SYN3: variants seen among roughly 807,000 people sequenced by gnomAD.
The protein encoded by SYN3 is synapsin-3.
In SYN3, 35 loss-of-function variants were observed where a neutral mutation model predicts 65.8. That is an observed-to-expected ratio of 0.53 (90% CI 0.41 to 0.70). The LOEUF (loss-of-function observed/expected upper bound fraction) is 0.70, where lower values mean the gene tolerates loss of function less well. Among genes scored for constraint, SYN3 ranks in the 30% least tolerant of loss-of-function variants. The pLI is 0.00. For missense variants in SYN3, 680 were observed against 749.0 expected (o/e 0.91, Z 1.08); for synonymous variants, 270 against 292.9 (o/e 0.92, Z 0.80).
chr22:33,052,335 G>A (rs978606454), intron 1 of SYN3, among the ~76,000 whole-genome samples: 2 of 152,058 alleles, frequency 1.3e-5, no homozygotes, highest in East Asian at 3.9e-4. Flanking sequence ...GGCAAGGAGA[G>A]ACTGCAGTAA....
intron 7 of SYN3, among the ~76,000 whole-genome samples, chr22:32,556,276 G>A (rs1782131717): frequency 1.3e-5 from 2 of 152,308 alleles, no homozygotes; most frequent in South Asian, 4.1e-4. Flanking sequence ...CTAATGGGAT[G>A]TATGTGCTTA....
chr22:32,809,216 A>G (rs149773160), intron 6 of SYN3, among the ~76,000 whole-genome samples: 10 of 152,274 alleles, frequency 6.6e-5, no homozygotes, highest in African/African-American at 2.4e-4. Context: ...CTTGCAACCT[A>G]TACTTGCTTA....
intron 1 of SYN3, among the ~76,000 whole-genome samples, chr22:33,026,232 C>T (rs146021871): frequency 2.6e-5 from 4 of 152,310 alleles, no homozygotes; most frequent in East Asian, 1.9e-4. Flanking sequence ...GGCTTGCTGA[C>T]GGTGTATCTG....
rs930863969 is a variant in SYN3 at position 32,931,397 on chromosome 22, C to T, written c.454G>A (p.Val152Met). Residue 152 changes from valine (V) to methionine (M), a missense_variant, in exon 4 of 14, where the codon GTG (valine) becomes ATG (methionine). By Grantham distance (21) the Val-to-Met change is conservative. Coordinates refer to ENST00000358763, the MANE Select transcript of SYN3 (RefSeq NM_003490.4). ...DMQVVRNGTK[V>M]VSRSFKPDFI... ...TATTTTAATCCTACTTACCTCACCA[C>T]TTTGGTCCCATTTCTCACGACCTGC... 1.2e-6 allele frequency: 2 copies of T among 1,611,510 alleles called. No individual in the cohort carries two copies. The highest frequency in any genetic ancestry group is 1.7e-6 in the Non-Finnish European group (2 of 1,177,816).
intron 6 of SYN3, among the ~76,000 whole-genome samples, chr22:32,665,938 C>T (rs1289930969): frequency 2.0e-5 from 3 of 152,132 alleles, no homozygotes; most frequent in Non-Finnish European, 4.4e-5. Flanking sequence ...ACTCTGATGT[C>T]CAACGAAATC....
rs116299260 is a variant in SYN3, at chr22:32,939,710, G to A, written c.370-8229C>T. Among the ~76,000 whole-genome samples the A allele has an allele frequency of 5.3e-3, 812 of 152,218 alleles. 7 individuals carry two copies. Among genetic ancestry groups the A allele is most frequent in the African/African-American group, 0.019 (783 of 41,520 alleles). ...GTCATTCTTTTTTAATTTCTGTGTA[G>A]TATTTCATTGTCTGAATATTCAATA... On this transcript the variant is annotated intron_variant, in intron 3 of 13. Transcript: ENST00000358763.
intron 6 of SYN3, among the ~76,000 whole-genome samples, chr22:32,648,375 C>A (rs1192977804): frequency 1.3e-5 from 2 of 151,994 alleles, no homozygotes; most frequent in Non-Finnish European, 2.9e-5. Flanking sequence ...TTATGGTAGT[C>A]ATCAGTTTCT....
At chr22:32,609,148 C>A (rs1218028990) in intron 6 of SYN3, among the ~76,000 whole-genome samples, 1 of 151,904 alleles carries the variant, frequency 6.6e-6, no homozygotes, top group Non-Finnish European at 1.5e-5. Context: ...CATGGTGAAA[C>A]CCCGTCTCTA....
At chr22:32,742,144 C>T (rs1042074735) in intron 6 of SYN3, among the ~76,000 whole-genome samples, 21 of 152,002 alleles carry the variant, frequency 1.4e-4, no homozygotes, top group African/African-American at 2.4e-4. Context: ...GGCATGGTGG[C>T]GGGCGCCTGT....
chr22:32,679,333 G>GA (rs2060490941), intron 6 of SYN3, among the ~76,000 whole-genome samples: 1 of 122 alleles, frequency 8.2e-3, no homozygotes, highest in Non-Finnish European at 0.017. Context: ...TTACAGGCAT[G>GA]AGCACCGCGC....
intron 6 of SYN3, among the ~76,000 whole-genome samples, chr22:32,660,843 C>A (rs978885264): frequency 4.1e-5 from 6 of 147,128 alleles, no homozygotes; most frequent in African/African-American, 1.6e-4. Flanking sequence ...GAACTTAAAA[C>A]AGACTCTCAC....
At chr22:32,608,270 A>T (rs956966591) in intron 6 of SYN3, among the ~76,000 whole-genome samples, 4 of 152,144 alleles carry the variant, frequency 2.6e-5, no homozygotes, top group African/African-American at 9.7e-5. Flanking sequence ...GGGTTTTGCC[A>T]TGTTGGCCAG....
chr22:32,572,384 T>TCCC, intron 7 of SYN3, among the ~76,000 whole-genome samples: 1 of 73,566 alleles, frequency 1.4e-5, no homozygotes, highest in Non-Finnish European at 2.5e-5. Flanking sequence ...CCTCCCATCT[T>TCCC]TCCTTCCTTC....
chr22:33,022,947 A>G (rs1389087942), intron 1 of SYN3, among the ~76,000 whole-genome samples: 1 of 152,242 alleles, frequency 6.6e-6, no homozygotes, highest in Non-Finnish European at 1.5e-5. Flanking sequence ...CAGAATTTAT[A>G]GAGCCCTACA....
chr22:32,883,342 T>G (rs137942097), intron 4 of SYN3, among the ~76,000 whole-genome samples: 13 of 152,284 alleles, frequency 8.5e-5, no homozygotes, highest in Middle Eastern at 3.4e-3. Context: ...CTTGATGGCT[T>G]CCAGCTCAGT....
chr22:33,024,913 G>GAATTACTGCAGTCCTAAAGAA (rs2053615368), intron 1 of SYN3, among the ~76,000 whole-genome samples: 1 of 152,196 alleles, frequency 6.6e-6, no homozygotes, highest in Non-Finnish European at 1.5e-5. Context: ...AAAGAATGTC[G>GAATTACTGCAGTCCTAAAGAA]AGTGATTTAT....
chr22:32,546,431 C>A (rs565202414), intron 7 of SYN3, among the ~76,000 whole-genome samples: 1 of 152,176 alleles, frequency 6.6e-6, no homozygotes, highest in Non-Finnish European at 1.5e-5. Flanking sequence ...TATTTCCATG[C>A]ATTCTTGGGT....
At chr22:32,645,480 A>G (rs941837995) in intron 6 of SYN3, among the ~76,000 whole-genome samples, 22 of 152,128 alleles carry the variant, frequency 1.4e-4, no homozygotes, top group Admixed American at 5.9e-4. Context: ...GGGCCCAGGA[A>G]TGGCAGAAAA....
intron 1 of SYN3, among the ~76,000 whole-genome samples, chr22:33,032,112 A>AG (rs1486882969): frequency 3.3e-5 from 5 of 151,774 alleles, no homozygotes; most frequent in African/African-American, 1.2e-4. Context: ...CAGAAGGCTA[A>AG]GGCACGAGAA....
Sources: allele counts gnomAD v4.1 joint callset (sites outside exome capture counted in the v4.1 genomes callset), GRCh38; gene constraint gnomAD v4.1.1; transcripts MANE v1.5; gene names NCBI Gene and HGNC (gene_info 2026-07-23, HGNC 2026-07-21).